Variants in GALNT13 observed in about 807,000 individuals in gnomAD.
GALNT13 encodes UDP-GalNAc:polypeptide N-acetylgalactosaminyltransferase 13.
Under a neutral mutation model 64.2 loss-of-function variants are expected in GALNT13, and 28 were observed. The ratio of observed to expected loss-of-function variants is 0.44; its 90% CI spans 0.32 to 0.60. GALNT13 has a LOEUF of 0.60. GALNT13 is among the 20% of genes least tolerant of loss of function. The pLI is 0.05. For synonymous variants in GALNT13, 214 were observed against 224.6 expected, an observed-to-expected ratio of 0.95 and a Z score of 0.42; for missense variants, 577 against 669.8, an observed-to-expected ratio of 0.86 and a Z score of 1.53.
intron 3 of GALNT13, among the ~76,000 whole-genome samples, chr2:153,987,052 G>A (rs1261718345): frequency 2.0e-5 from 3 of 151,816 alleles, no homozygotes; most frequent in Non-Finnish European, 4.4e-5. Flanking sequence ...AAGAGAGGAA[G>A]GTGGTTTGAA....
rs370333693 is a variant in GALNT13, at chr2:154,241,518, A to G, written c.312-512A>G. ...AGATTCTGAATCTAAAGGAAACCTA[A>G]ATCATTCCTTGGAAGTAGACATTGT... On this transcript the variant is annotated intron_variant, in intron 4 of 12. Transcript: ENST00000392825. 7.4e-4 allele frequency among the ~76,000 whole-genome samples: 112 copies of G among 152,276 alleles called. 1 individual carries two copies. Among genetic ancestry groups the G allele is most frequent in the African/African-American group, 2.2e-3 (90 of 41,568 alleles).
At chr2:153,563,547 G>A in the GALNT13 span, among the ~76,000 whole-genome samples, 4 of 152,018 alleles carry the variant, frequency 2.6e-5, no homozygotes, top group Non-Finnish European at 5.9e-5. Context: ...GAGCGGGTCC[G>A]GGTAGTTTCA....
intron 3 of GALNT13, among the ~76,000 whole-genome samples, chr2:153,969,831 T>G (rs550805948): frequency 6.6e-6 from 1 of 152,282 alleles, no homozygotes; most frequent in East Asian, 1.9e-4. Context: ...TTATAATTTA[T>G]TTCATTATTA....
chr2:154,447,846 T>C (rs1175994674), intron 12 of GALNT13, among the ~76,000 whole-genome samples: 1 of 152,036 alleles, frequency 6.6e-6, no homozygotes, highest in East Asian at 1.9e-4. Context: ...TTATCTTAGT[T>C]TGCTTTCAGA....
At chr2:154,214,990 A>G (rs868621576) in intron 4 of GALNT13, among the ~76,000 whole-genome samples, 1 of 152,196 alleles carries the variant, frequency 6.6e-6, no homozygotes, top group African/African-American at 2.4e-5. Flanking sequence ...TGGGGAAAAC[A>G]ATATTTTTCA....
chr2:153,300,858 C>T, the GALNT13 span, among the ~76,000 whole-genome samples: 1 of 152,102 alleles, frequency 6.6e-6, no homozygotes, highest in Admixed American at 6.5e-5. Context: ...GAAGATCACA[C>T]TGATATTAAT....
chr2:153,813,528 A>ATT, the GALNT13 span, among the ~76,000 whole-genome samples: 9 of 150,840 alleles, frequency 6.0e-5, no homozygotes, highest in East Asian at 5.9e-4. Flanking sequence ...ACCTTATCTC[A>ATT]TTTTTTTTTC....
At chr2:154,000,320 G>A (rs1695819255) in intron 3 of GALNT13, among the ~76,000 whole-genome samples, 1 of 151,086 alleles carries the variant, frequency 6.6e-6, no homozygotes. Flanking sequence ...TTTCTGCTCT[G>A]ATATTTGTTA....
chr2:153,749,596 G>A, the GALNT13 span, among the ~76,000 whole-genome samples: 1 of 151,826 alleles, frequency 6.6e-6, no homozygotes, highest in Non-Finnish European at 1.5e-5. Context: ...TTTATATGTG[G>A]CTATTGTAAA....
intron 4 of GALNT13, among the ~76,000 whole-genome samples, chr2:154,152,156 T>C (rs1237775862): frequency 6.6e-6 from 1 of 152,194 alleles, no homozygotes; most frequent in East Asian, 1.9e-4. Flanking sequence ...CATTTGCTTG[T>C]CTGTAAAGTA....
At chr2:153,088,780 A>C in the GALNT13 span, among the ~76,000 whole-genome samples, 1 of 152,174 alleles carries the variant, frequency 6.6e-6, no homozygotes, top group South Asian at 2.1e-4. Context: ...TTGATACAAG[A>C]ATAGCTACTC....
At chr2:154,058,285 C>G (rs1490623621) in intron 3 of GALNT13, among the ~76,000 whole-genome samples, 1 of 152,166 alleles carries the variant, frequency 6.6e-6, no homozygotes, top group East Asian at 1.9e-4. Context: ...CTCCAGACTC[C>G]AGATCTGTGG....
Position 153,910,162 on chromosome 2 carries a change from C to T in GALNT13, c.-105+9155C>T, listed in dbSNP as rs149344619. ...GGATTCAGTTTCTTCCTGGTTTAGT[C>T]ATGGGAGGGTATATGTGCTCAGGTA... On this transcript the variant is annotated intron_variant, in intron 2 of 12. Coordinates refer to ENST00000392825, the MANE Select transcript of GALNT13 (RefSeq NM_052917.4). Among the ~76,000 whole-genome samples the T allele has an allele frequency of 7.3e-5, 11 of 151,166 alleles. 2 individuals carry two copies. The East Asian group carries it at 1.6e-3, about 21-fold the overall frequency.
At chr2:153,561,199 T>C in the GALNT13 span, among the ~76,000 whole-genome samples, 1 of 151,878 alleles carries the variant, frequency 6.6e-6, no homozygotes, top group Non-Finnish European at 1.5e-5. Flanking sequence ...TTTCCAGTTA[T>C]AATATCTCTG....
At chr2:154,134,257 A>G (rs550434623) in intron 3 of GALNT13, among the ~76,000 whole-genome samples, 9 of 152,318 alleles carry the variant, frequency 5.9e-5, no homozygotes, top group African/African-American at 1.7e-4. Flanking sequence ...ATGATGTAAA[A>G]GAGCTATAAA....
At chr2:153,451,142 G>A in the GALNT13 span, among the ~76,000 whole-genome samples, 4 of 151,960 alleles carry the variant, frequency 2.6e-5, no homozygotes, top group African/African-American at 9.7e-5. Flanking sequence ...TAGTTTAATT[G>A]AAACTATAAA....
chr2:153,863,664 C>T, the GALNT13 span, among the ~76,000 whole-genome samples: 1 of 152,004 alleles, frequency 6.6e-6, no homozygotes, highest in Non-Finnish European at 1.5e-5. Flanking sequence ...AACAGTTTTG[C>T]CATTCTAATG....
At chr2:153,654,225 G>A in the GALNT13 span, among the ~76,000 whole-genome samples, 4 of 152,026 alleles carry the variant, frequency 2.6e-5, no homozygotes, top group African/African-American at 9.7e-5. Context: ...CAAATAATTG[G>A]TGTGAAAAAT....
chr2:154,061,605 A>G (rs534893360), intron 3 of GALNT13, among the ~76,000 whole-genome samples: 2 of 152,208 alleles, frequency 1.3e-5, no homozygotes, highest in African/African-American at 4.8e-5. Flanking sequence ...CTGTCCCCCA[A>G]CGGAATTACA....
Sources: allele counts gnomAD v4.1 joint callset (sites outside exome capture counted in the v4.1 genomes callset), GRCh38; gene constraint gnomAD v4.1.1; transcripts MANE v1.5; gene names NCBI Gene and HGNC (gene_info 2026-07-23, HGNC 2026-07-21).